Variants in CLOCK observed in about 807,000 individuals in gnomAD.
CLOCK encodes the protein circadian locomoter output cycles protein kaput.
A neutral mutation model predicts 118.4 loss-of-function variants in CLOCK; 43 were observed. The ratio of observed to expected loss-of-function variants is 0.36; its 90% CI spans 0.28 to 0.47. The LOEUF (loss-of-function observed/expected upper bound fraction) is 0.47. CLOCK is among the 20% of genes least tolerant of loss of function. CLOCK has a pLI of 1.00. For synonymous variants in CLOCK, 326 were observed against 339.2 expected (o/e 0.96, Z 0.43); for missense variants, 846 against 999.9 (o/e 0.85, Z 2.08).
chr4:55,542,185 T>C (rs1470823696), intron 1 of CLOCK, among the ~76,000 whole-genome samples: 1 of 151,136 alleles, frequency 6.6e-6, no homozygotes, highest in Non-Finnish European at 1.5e-5. Context: ...CTACTAAAAA[T>C]ACAAAAATTA....
chr4:55,498,896 A>G (rs535965603), intron 2 of CLOCK, among the ~76,000 whole-genome samples: 8 of 152,350 alleles, frequency 5.3e-5, no homozygotes, highest in African/African-American at 1.9e-4. Context: ...CTCTTGATAC[A>G]GAAGACACGA....
chr4:55,450,135 C>G lies in CLOCK; in HGVS notation c.1304G>C (p.Arg435Pro), dbSNP rs772672954. The change falls in exon 16 of 23, where the codon CGG becomes CCG. Residue 435 changes from arginine (R) to proline (P), a missense_variant. By Grantham distance (103) the Arg-to-Pro change is moderately radical. Coordinates refer to ENST00000513440, the MANE Select transcript of CLOCK (RefSeq NM_004898.4). Reference sequence around the variant, plus strand: ...CGTGTGAGATGATTTTCTTGAACTCCGAGAAGAGGCAGAAGGGGTTGGGCT... The same window carrying G: ...CGTGTGAGATGATTTTCTTGAACTCGGAGAAGAGGCAGAAGGGGTTGGGCT... ...DHSPTPSASS[R>P]SSRKSSHTAV... 1.9e-6 allele frequency: 3 copies of G among 1,613,958 alleles called. No individual in the cohort carries two copies. Among genetic ancestry groups the G allele is most frequent in the Non-Finnish European group, 2.5e-6 (3 of 1,179,990 alleles).
intron 9 of CLOCK, among the ~76,000 whole-genome samples, chr4:55,459,672 C>CT (rs1560431173): frequency 6.6e-6 from 1 of 151,908 alleles, no homozygotes; most frequent in East Asian, 1.9e-4. Flanking sequence ...TTACTTTCTT[C>CT]TTTTTTTTGA....
chr4:55,531,682 C>T (rs9998038), intron 1 of CLOCK, among the ~76,000 whole-genome samples: 56,159 of 123,910 alleles, frequency 0.45, 13,195 homozygotes, highest in African/African-American at 0.65. Context: ...TCCAGCCTGG[C>T]GACAGAGCAA....
At chr4:55,519,901 T>C (rs1729754793) in intron 1 of CLOCK, among the ~76,000 whole-genome samples, 1 of 151,932 alleles carries the variant, frequency 6.6e-6, no homozygotes, top group Non-Finnish European at 1.5e-5. Flanking sequence ...CAAAGGGAAA[T>C]GGGATGCTTC....
In CLOCK at chr4:55,429,037, G is replaced by A. The variant is rs1274147089; in HGVS notation, c.*6378C>T. ...CCAATTTTTTTGCTTGAAGATGATT[G>A]TCTGGTTATACAAGACATCAATCTG... On this transcript the variant is annotated 3_prime_UTR_variant, in exon 23 of 23. Transcript: ENST00000513440. 2.5e-5 allele frequency: 3 copies of A among 119,872 alleles called. No individual in the cohort carries two copies. The highest frequency in any genetic ancestry group is 9.7e-5 in the Admixed American group (1 of 10,352). The allele number at this position is 119,872 out of a possible 1,614,324, so 7.4% of individuals were successfully genotyped here. A position where few individuals can be genotyped will look rare whatever the true frequency, so the allele number is the denominator to read the frequency against.
chr4:55,470,529 TAA>T (rs146292115), intron 8 of CLOCK, among the ~76,000 whole-genome samples, 186 bp downstream of exon 8: 4,239 of 152,252 alleles, frequency 0.028, 202 homozygotes, highest in African/African-American at 0.097. Flanking sequence ...AGTTGAATAT[TAA>T]GTTACTACAG....
intron 1 of CLOCK, among the ~76,000 whole-genome samples, chr4:55,511,303 C>G (rs1489537276): frequency 6.6e-6 from 1 of 151,938 alleles, no homozygotes; most frequent in Non-Finnish European, 1.5e-5. Context: ...TTTAATGACA[C>G]AGTCCAATCA....
At chr4:55,464,574 T>A (rs1273429069) in intron 8 of CLOCK, among the ~76,000 whole-genome samples, 1 of 152,180 alleles carries the variant, frequency 6.6e-6, no homozygotes, top group East Asian at 1.9e-4. Flanking sequence ...AGACAGTATC[T>A]CAAGGCCTGT....
At chr4:55,540,738 G>C (rs1731218030) in intron 1 of CLOCK, 1 of 152,256 alleles carries the variant, frequency 6.6e-6, no homozygotes, top group Admixed American at 6.5e-5. Flanking sequence ...GTGGAGTGGA[G>C]AGGGAGGAAG....
intron 1 of CLOCK, among the ~76,000 whole-genome samples, chr4:55,525,321 G>A (rs1263551056): frequency 6.6e-6 from 1 of 151,998 alleles, no homozygotes; most frequent in Non-Finnish European, 1.5e-5. Context: ...TTTTTAAAAA[G>A]AAAAGCAGCC....
At chr4:55,531,703 C>CAAAAAA (rs373796432) in intron 1 of CLOCK, among the ~76,000 whole-genome samples, 562 of 41,276 alleles carry the variant, frequency 0.014, 33 homozygotes, top group South Asian at 0.043. Context: ...GACTTCGTCT[C>CAAAAAA]AAAAAAAAAA....
At chr4:55,526,172 T>C (rs1730173442) in intron 1 of CLOCK, among the ~76,000 whole-genome samples, 1 of 152,206 alleles carries the variant, frequency 6.6e-6, no homozygotes. Context: ...ACAGGAAATT[T>C]ACAAAGCATT....
At chr4:55,472,886 T>A (rs1057061913) in intron 7 of CLOCK, among the ~76,000 whole-genome samples, 3 of 152,168 alleles carry the variant, frequency 2.0e-5, no homozygotes, top group African/African-American at 4.8e-5. Context: ...ATTATTTTTT[T>A]AAATCCTTTA....
chr4:55,453,136 A>G lies in CLOCK; in HGVS notation c.1131-7T>C. 2.2e-5 allele frequency: 36 copies of G among 1,610,560 alleles called. No individual in the cohort carries two copies. Among genetic ancestry groups the G allele is most frequent in the Non-Finnish European group, 3.1e-5 (36 of 1,177,038 alleles). ...AGCCCTAACTTCTGCATAACTACAAATGGAAAAAATAATCAAATTTTAGTG... is the reference window on the plus strand; with the variant it reads ...AGCCCTAACTTCTGCATAACTACAAGTGGAAAAAATAATCAAATTTTAGTG... On this transcript the variant is annotated splice_polypyrimidine_tract_variant and splice_region_variant and intron_variant, in intron 14 of 22. Transcript: ENST00000513440.
chr4:55,498,873 G>C (rs767846497), intron 2 of CLOCK, among the ~76,000 whole-genome samples: 35 of 152,108 alleles, frequency 2.3e-4, no homozygotes, highest in Non-Finnish European at 3.7e-4. Flanking sequence ...GTATATTATA[G>C]AACAGACATA....
chr4:55,474,811 T>C (rs532384650), intron 7 of CLOCK, among the ~76,000 whole-genome samples: 1 of 152,338 alleles, frequency 6.6e-6, no homozygotes, highest in South Asian at 2.1e-4. Flanking sequence ...TGTTGAGACC[T>C]ACTGGTCAGA....
chr4:55,528,318 C>T lies in CLOCK; in HGVS notation c.-289-18253G>A, dbSNP rs565912448. On this transcript the variant is annotated intron_variant, in intron 1 of 22. Transcript: ENST00000513440. ...CCGAGATCATGCCATTGCTCTCCAG[C>T]CTGGGAAACAAGAGCAGAACTCCAC... Among the ~76,000 whole-genome samples, 3 of 151,068 alleles carry T rather than the reference C, an allele frequency of 2.0e-5. No individual in the cohort carries two copies. The South Asian group carries it at 6.3e-4, about 32-fold the overall frequency.
chr4:55,468,497 A>G (rs1242877548), intron 8 of CLOCK, among the ~76,000 whole-genome samples: 1 of 152,210 alleles, frequency 6.6e-6, no homozygotes, highest in East Asian at 1.9e-4. Flanking sequence ...ATACTTTTCT[A>G]ATTCTCTATC....
Sources: gnomAD v4.1 joint callset for allele counts (sites outside exome capture counted in the v4.1 genomes callset) on GRCh38, gnomAD v4.1.1 for gene constraint, MANE v1.5 for transcripts, NCBI Gene and HGNC (gene_info 2026-07-23, HGNC 2026-07-21) for gene names.